Variants in UMAD1 observed in about 807,000 individuals in gnomAD.
The protein encoded by UMAD1 is UBAP1-MVB12-associated (UMA)-domain containing protein 1.
A neutral mutation model predicts 6.1 loss-of-function variants in UMAD1; 8 were observed. That is an observed-to-expected ratio of 1.30 (90% CI 0.76 to 2.35). The LOEUF (loss-of-function observed/expected upper bound fraction) is 2.35, where lower values mean the gene tolerates loss of function less well. Ranked by LOEUF, UMAD1 falls within the 30% of genes most tolerant of loss-of-function variation. The probability of loss-of-function intolerance (pLI) is 0.00; values close to 1 mark genes in which losing one functional copy is unlikely to be tolerated. For missense variants in UMAD1, 130 were observed against 78.4 expected, an observed-to-expected ratio of 1.66 and a Z score of -2.49; for synonymous variants, 56 against 31.4, an observed-to-expected ratio of 1.78 and a Z score of -2.61.
chr7:7,668,120 C>G (rs769051280), intron 1 of UMAD1, among the ~76,000 whole-genome samples: 1 of 151,874 alleles, frequency 6.6e-6, no homozygotes, highest in Non-Finnish European at 1.5e-5. Flanking sequence ...CGTCATGTTG[C>G]CCAGGCTGGT....
chr7:7,724,061 C>A (rs763366671), intron 2 of UMAD1, among the ~76,000 whole-genome samples: 4 of 152,098 alleles, frequency 2.6e-5, no homozygotes, highest in Non-Finnish European at 4.4e-5. Flanking sequence ...AGGCCGGGTC[C>A]CCTTGAGGAA....
chr7:7,729,953 C>G (rs529374159), intron 2 of UMAD1, among the ~76,000 whole-genome samples: 2 of 152,346 alleles, frequency 1.3e-5, no homozygotes, highest in South Asian at 4.1e-4. Flanking sequence ...TGTCTGACTT[C>G]TCTCACCCAG....
At chr7:7,813,477 T>C (rs1468556122) in intron 3 of UMAD1, among the ~76,000 whole-genome samples, 1 of 152,172 alleles carries the variant, frequency 6.6e-6, no homozygotes, top group East Asian at 1.9e-4. Context: ...GTGCTGGGAT[T>C]ACAGGCATGA....
At chr7:7,709,261 T>C (rs964733073) in intron 2 of UMAD1, among the ~76,000 whole-genome samples, 13 of 152,234 alleles carry the variant, frequency 8.5e-5, no homozygotes, top group Non-Finnish European at 1.5e-4. Context: ...ACTTTTAATA[T>C]GGATTTAACT....
intron 2 of UMAD1, among the ~76,000 whole-genome samples, chr7:7,773,853 C>G (rs1056662942): frequency 6.6e-6 from 1 of 152,116 alleles, no homozygotes; most frequent in Non-Finnish European, 1.5e-5. Context: ...ATGCTCTTAC[C>G]ATTTCCAGCC....
intron 2 of UMAD1, among the ~76,000 whole-genome samples, chr7:7,800,959 T>G (rs1232219996): frequency 2.0e-5 from 3 of 152,208 alleles, no homozygotes; most frequent in Non-Finnish European, 2.9e-5. Context: ...TAATAGGTAG[T>G]CTCTATCATG....
At chr7:7,647,593 G>C (rs1448327236) in intron 1 of UMAD1, among the ~76,000 whole-genome samples, 1 of 152,102 alleles carries the variant, frequency 6.6e-6, no homozygotes, top group Non-Finnish European at 1.5e-5. Context: ...TTGAAGCCCT[G>C]ATGACTTTTG....
chr7:7,657,090 G>C (rs192070507), intron 1 of UMAD1, among the ~76,000 whole-genome samples: 1 of 152,100 alleles, frequency 6.6e-6, no homozygotes, highest in Non-Finnish European at 1.5e-5. Context: ...TTTTTCATAT[G>C]TTTGTTGTCT....
At chr7:7,684,439 C>T (rs1317849325) in intron 2 of UMAD1, among the ~76,000 whole-genome samples, 2 of 152,022 alleles carry the variant, frequency 1.3e-5, no homozygotes, top group Middle Eastern at 3.4e-3. Context: ...GAACTTCTGG[C>T]CTTGAGTGAT....
intron 3 of UMAD1, among the ~76,000 whole-genome samples, chr7:7,841,313 T>G (rs932355713): frequency 1.9e-5 from 2 of 106,064 alleles, no homozygotes; most frequent in Non-Finnish European, 4.1e-5. Flanking sequence ...TAACAAGTGA[T>G]CTTTTTTTTT....
chr7:7,696,502 A>G (rs561864235), intron 2 of UMAD1, among the ~76,000 whole-genome samples: 1 of 152,284 alleles, frequency 6.6e-6, no homozygotes, highest in African/African-American at 2.4e-5. Context: ...TGTTATATGA[A>G]TTTAGTTAGT....
chr7:7,777,067 A>G (rs1003043559), intron 2 of UMAD1, among the ~76,000 whole-genome samples: 22 of 152,274 alleles, frequency 1.4e-4, no homozygotes, highest in African/African-American at 5.1e-4. Flanking sequence ...TCACATAACA[A>G]TGTATCTTAA....
intron 2 of UMAD1, among the ~76,000 whole-genome samples, chr7:7,699,051 G>GT (rs944011752): frequency 8.2e-4 from 57 of 69,802 alleles, no homozygotes; most frequent in Middle Eastern, 7.5e-3. Flanking sequence ...TGTGTGTGTG[G>GT]GGGGGGGGTA....
At chr7:7,711,587 T>G (rs1423380147) in intron 2 of UMAD1, among the ~76,000 whole-genome samples, 1 of 152,162 alleles carries the variant, frequency 6.6e-6, no homozygotes, top group Admixed American at 6.5e-5. Context: ...TAATTTACAT[T>G]TTCTTGTTTA....
intron 3 of UMAD1, among the ~76,000 whole-genome samples, chr7:7,803,548 G>A (rs538992510): frequency 2.8e-4 from 43 of 152,324 alleles, no homozygotes; most frequent in Non-Finnish European, 5.6e-4. Flanking sequence ...AATTACTTGA[G>A]TTTCGTTGCT....
intron 2 of UMAD1, among the ~76,000 whole-genome samples, chr7:7,779,341 A>G (rs1172375229): frequency 6.6e-6 from 1 of 152,142 alleles, no homozygotes; most frequent in African/African-American, 2.4e-5. Flanking sequence ...CAGTACTACA[A>G]TCATAGCTGA....
intron 2 of UMAD1, among the ~76,000 whole-genome samples, chr7:7,777,574 A>AATATATATAAATAT (rs1470642810): frequency 8.8e-6 from 1 of 113,558 alleles, no homozygotes; most frequent in African/African-American, 3.9e-5. Context: ...TACATGAGCA[A>AATATATATAAATAT]ATATATATAT....
intron 2 of UMAD1, among the ~76,000 whole-genome samples, chr7:7,775,705 GA>G (rs1563196338): frequency 6.6e-6 from 1 of 152,168 alleles, no homozygotes. Context: ...TTGCTGGTGG[GA>G]ATATAAAATG....
chr7:7,835,413 AAAT>A (rs1376095782), intron 3 of UMAD1, among the ~76,000 whole-genome samples: 2 of 142,674 alleles, frequency 1.4e-5, no homozygotes, highest in Non-Finnish European at 3.1e-5. Flanking sequence ...CTTTAAAAAA[AAAT>A]CTTGCTCTGT....
Sources: allele counts gnomAD v4.1 joint callset (sites outside exome capture counted in the v4.1 genomes callset), GRCh38; gene constraint gnomAD v4.1.1; transcripts MANE v1.5; gene names NCBI Gene and HGNC (gene_info 2026-07-23, HGNC 2026-07-21).